Variants in REDIC1 observed in about 807,000 individuals in gnomAD.
REDIC1 encodes regulator of DNA class I crossover intermediates 1.
chr12:39,663,509 T>G, the REDIC1 span, among the ~76,000 whole-genome samples: 1 of 152,018 alleles, frequency 6.6e-6, no homozygotes, highest in Non-Finnish European at 1.5e-5. Context: ...TAGCATATAG[T>G]TGTGTTATGG....
the REDIC1 span, among the ~76,000 whole-genome samples, chr12:39,751,077 T>G: frequency 6.6e-6 from 1 of 152,130 alleles, no homozygotes; most frequent in Non-Finnish European, 1.5e-5. Flanking sequence ...CTAATTAAAC[T>G]AAAGAGCTTC....
the REDIC1 span, among the ~76,000 whole-genome samples, chr12:39,851,344 C>A: frequency 6.6e-6 from 1 of 151,970 alleles, no homozygotes; most frequent in Non-Finnish European, 1.5e-5. Context: ...GGATTTATGA[C>A]ATAAAAATCA....
chr12:39,730,049 T>G, the REDIC1 span, among the ~76,000 whole-genome samples: 3 of 152,208 alleles, frequency 2.0e-5, no homozygotes, highest in South Asian at 4.1e-4. Flanking sequence ...AGCCTATGTG[T>G]GTCTTTGCAG....
the REDIC1 span, chr12:39,646,807 T>G: frequency 7.0e-7 from 1 of 1,425,138 alleles, no homozygotes; most frequent in Non-Finnish European, 9.7e-7. Context: ...TATTTCAATT[T>G]ATATTTTTAA....
At chr12:39,665,681 G>A in the REDIC1 span, among the ~76,000 whole-genome samples, 7 of 150,152 alleles carry the variant, frequency 4.7e-5, no homozygotes, top group East Asian at 1.9e-4. Context: ...CCATTTTCAC[G>A]ATATTGATTC....
chr12:39,712,765 GTATGTATACATGTGTATATACGTA>G, the REDIC1 span, among the ~76,000 whole-genome samples: 4 of 144,510 alleles, frequency 2.8e-5, no homozygotes, highest in South Asian at 2.1e-4. Context: ...GTGTATATAC[GTATGTATACATGTGTATATACGTA>G]TATGTATATA....
chr12:39,885,160 A>G, the REDIC1 span, among the ~76,000 whole-genome samples: 2 of 152,224 alleles, frequency 1.3e-5, no homozygotes, highest in Non-Finnish European at 1.5e-5. Context: ...AGGCAAAAGA[A>G]CTGAGTGGGG....
chr12:39,711,924 TGTC>T, the REDIC1 span, among the ~76,000 whole-genome samples: 9 of 124,290 alleles, frequency 7.2e-5, no homozygotes, highest in African/African-American at 2.4e-4. Flanking sequence ...TACACATACA[TGTC>T]TATATGTATA....
the REDIC1 span, among the ~76,000 whole-genome samples, chr12:39,827,694 T>A: frequency 1.3e-5 from 2 of 152,296 alleles, no homozygotes; most frequent in Admixed American, 6.5e-5. Context: ...ATAATTTTTT[T>A]AAGTTTTCAT....
At chr12:39,880,523 A>G in the REDIC1 span, among the ~76,000 whole-genome samples, 6,918 of 152,288 alleles carry the variant, frequency 0.045, 486 homozygotes, top group East Asian at 0.28. Context: ...AGTCAATTGT[A>G]TCATACTACC....
the REDIC1 span, among the ~76,000 whole-genome samples, chr12:39,733,996 T>C: frequency 6.6e-6 from 1 of 152,136 alleles, no homozygotes; most frequent in Admixed American, 6.5e-5. Flanking sequence ...CCAAATAGGG[T>C]GCCACCCAGT....
chr12:39,892,045 A>T, the REDIC1 span, among the ~76,000 whole-genome samples: 8 of 152,238 alleles, frequency 5.3e-5, no homozygotes, highest in South Asian at 1.0e-3. Context: ...AGAAGAGAAG[A>T]TCTATTAGGT....
the REDIC1 span, among the ~76,000 whole-genome samples, chr12:39,825,997 T>G: frequency 2.9e-3 from 441 of 152,256 alleles, 2 homozygotes; most frequent in African/African-American, 1.0e-2. Flanking sequence ...GTGATAAATA[T>G]CTTTCTGTTG....
the REDIC1 span, among the ~76,000 whole-genome samples, chr12:39,900,576 C>G: frequency 6.6e-6 from 1 of 152,094 alleles, no homozygotes; most frequent in Non-Finnish European, 1.5e-5. Flanking sequence ...CATGAGTGAA[C>G]TCCTATTCAC....
the REDIC1 span, among the ~76,000 whole-genome samples, chr12:39,658,238 G>T: frequency 6.6e-6 from 1 of 151,848 alleles, no homozygotes; most frequent in African/African-American, 2.4e-5. Flanking sequence ...CTCCCACCAC[G>T]CCTGGCTAAG....
chr12:39,714,250 C>A, the REDIC1 span, among the ~76,000 whole-genome samples: 1 of 111,000 alleles, frequency 9.0e-6, no homozygotes, highest in Admixed American at 9.1e-5. Flanking sequence ...TATGTATATA[C>A]GTATATGCAT....
At chr12:39,721,287 C>T in the REDIC1 span, 1 of 1,540,102 alleles carries the variant, frequency 6.5e-7, no homozygotes, top group South Asian at 1.2e-5. Context: ...TAGAATTTCA[C>T]TTGCCCTTAG....
chr12:39,769,762 C>G, the REDIC1 span, among the ~76,000 whole-genome samples: 1 of 148,782 alleles, frequency 6.7e-6, no homozygotes, highest in African/African-American at 2.4e-5. Context: ...TGTTCAACTC[C>G]TCTCATATTA....
At chr12:39,821,516 T>A in the REDIC1 span, among the ~76,000 whole-genome samples, 4 of 152,144 alleles carry the variant, frequency 2.6e-5, no homozygotes, top group African/African-American at 7.2e-5. Context: ...AGAGAGCGAA[T>A]TGCAGTGGGA....
Sources: allele counts gnomAD v4.1 joint callset (sites outside exome capture counted in the v4.1 genomes callset), GRCh38; gene constraint gnomAD v4.1.1; transcripts MANE v1.5; gene names NCBI Gene and HGNC (gene_info 2026-07-23, HGNC 2026-07-21).